The following TMEM200C variants were observed in gnomAD, a reference collection of about 807,000 sequenced individuals.
TMEM200C encodes transmembrane protein TTMA.
For missense variants in TMEM200C, 966 were observed against 699.9 expected, an observed-to-expected ratio of 1.38 and a Z score of -4.29; for synonymous variants, 462 against 324.7, an observed-to-expected ratio of 1.42 and a Z score of -4.55.
At position 5,891,041 on chromosome 18, in the gene TMEM200C, G is replaced by A. The variant is rs1174297893; in HGVS notation, c.1023C>T (p.Ala341=). Residue 341 remains alanine (A), a synonymous_variant, in exon 3 of 3, where the codon GCC becomes GCT. Transcript: ENST00000581347. This position sits in a 1 kb window ranked among gnomAD's most constrained non-coding sequence, Gnocchi z 4.7. ...AGCTGCTAGCGGCTGCGGCGGCGGT[G>A]GCAGCGGCGGCCCGGCGACTGCCTG... The A allele has an allele frequency of 1.8e-5, 10 of 549,058 alleles. No homozygotes were observed. The East Asian group carries it at 3.5e-4, about 19-fold the overall frequency. 34.0% of individuals were successfully genotyped at this position (549,058 alleles called of 1,614,324 possible). A position where few individuals can be genotyped will look rare whatever the true frequency, so the allele number is the denominator to read the frequency against.
intron 2 of TMEM200C, among the ~76,000 whole-genome samples, chr18:5,892,547 C>G (rs980816080): frequency 6.6e-6 from 1 of 152,162 alleles, no homozygotes; most frequent in Non-Finnish European, 1.5e-5. Context: ...TTAAGGACCT[C>G]CCTGTCAAGA....
chr18:5,894,622 G>A (rs2095174162), intron 2 of TMEM200C, among the ~76,000 whole-genome samples: 1 of 152,220 alleles, frequency 6.6e-6, no homozygotes, highest in African/African-American at 2.4e-5. Flanking sequence ...GATGGATTAA[G>A]CCCCACTCTG....
In TMEM200C at chr18:5,891,640, G is replaced by C. The variant is rs750394153; in HGVS notation, c.424C>G (p.Pro142Ala). The C allele has an allele frequency of 6.2e-7, 1 of 1,613,808 alleles. No homozygotes were observed. The highest frequency in any genetic ancestry group is 8.5e-7 in the Non-Finnish European group (1 of 1,179,800). The change falls in exon 3 of 3, where the codon CCG becomes GCG. Residue 142 changes from proline (P) to alanine (A), a missense_variant. Coordinates refer to ENST00000581347, the Ensembl canonical transcript of TMEM200C. This position sits in a 1 kb window ranked among gnomAD's most constrained non-coding sequence, Gnocchi z 4.7. ...CCCACGGACGTGGAGGAGGAGGACG[G>C]GGAGGCGGCTCGTGCTGGAGGCGTG...
intron 2 of TMEM200C, among the ~76,000 whole-genome samples, chr18:5,893,502 T>C (rs552928700): frequency 6.6e-6 from 1 of 152,224 alleles, no homozygotes; most frequent in Non-Finnish European, 1.5e-5. Flanking sequence ...TTCTGTCCCA[T>C]TAGTTGTTTT....
exon 3 of TMEM200C, chr18:5,886,558 TG>T (rs1356096610): frequency 6.6e-6 from 1 of 152,170 alleles, no homozygotes; most frequent in Non-Finnish European, 1.5e-5. Context: ...ATTAAGTTTA[TG>T]GTTGTCCCTA....
At chr18:5,890,490 G>C in exon 3 of TMEM200C, 1 of 1,548,730 alleles carries the variant, frequency 6.5e-7, no homozygotes, top group Non-Finnish European at 8.7e-7. Flanking sequence ...ATCCGACTGG[G>C]AGCTCCCGGA....
At chr18:5,888,780 C>T (rs1285028841) in exon 3 of TMEM200C, 1 of 152,240 alleles carries the variant, frequency 6.6e-6, no homozygotes, top group Non-Finnish European at 1.5e-5. Context: ...CTGACCCTGA[C>T]CCTGTTCTAT....
At chr18:5,882,200 G>A (rs1239999968) in exon 3 of TMEM200C, 10 of 152,054 alleles carry the variant, frequency 6.6e-5, no homozygotes, top group Admixed American at 1.3e-4. Context: ...TTTACTCATG[G>A]CCCTAATCAT....
chr18:5,890,639 G>A (rs1386622753), exon 3 of TMEM200C: 2 of 807,172 alleles, frequency 2.5e-6, no homozygotes, highest in Non-Finnish European at 3.4e-6. Flanking sequence ...GGTAGTCCGG[G>A]AGCCCGCTGG....
chr18:5,891,903 A>C lies in TMEM200C; in HGVS notation c.161T>G (p.Leu54Arg). The change falls in exon 3 of 3, where the codon CTC (leucine) becomes CGC (arginine). Residue 54 changes from leucine to arginine, a missense_variant. Leu to Arg is a moderately radical substitution (Grantham distance 102). Transcript: ENST00000581347. This position sits in a 1 kb window ranked among gnomAD's most constrained non-coding sequence, Gnocchi z 4.7. ...CACCAGGATCCCACAGAGGGCGATG[A>C]GCCCTGAGATGGAGCACAGCTTCAG... 6.2e-7 allele frequency: 1 copy of C among 1,613,342 alleles called. No individual in the cohort carries two copies. The highest frequency in any genetic ancestry group is 8.5e-7 in the Non-Finnish European group (1 of 1,179,858).
rs764956085 is a variant in TMEM200C, at chr18:5,891,377, GGCGGCGGCCGCGGCGGCGGCC to G, written c.666_686del (p.Ala224_Ala230del). 1,340 of 1,316,470 alleles carry G rather than the reference GGCGGCGGCCGCGGCGGCGGCC, an allele frequency of 1.0e-3. 85 individuals are homozygous for G. Among genetic ancestry groups the G allele is most frequent in the Admixed American group, 4.7e-3 (116 of 24,628 alleles). The allele number at this position is 1,316,470 out of a possible 1,614,324, so 81.5% of individuals were successfully genotyped here. ...CGGGGGCAGACGACGACGAAGAGGCGGCGGCGGCCGCGGCGGCGGCCGCGGCGGCCGCCAGGTCTTTGGCGC... is the reference window on the plus strand; with the variant it reads ...CGGGGGCAGACGACGACGAAGAGGCGGCGGCGGCCGCCAGGTCTTTGGCGC... On this transcript the variant is annotated inframe_deletion, in exon 3 of 3. Transcript: ENST00000581347. This position sits in a 1 kb window ranked among gnomAD's most constrained non-coding sequence, Gnocchi z 4.7.
exon 3 of TMEM200C, chr18:5,892,077 A>G (rs1267409708): frequency 6.2e-7 from 1 of 1,607,516 alleles, no homozygotes; most frequent in Non-Finnish European, 8.5e-7. Flanking sequence ...GAGCTCCTGG[A>G]GTGCAGGACT....
At chr18:5,886,574 C>T (rs1165509951) in exon 3 of TMEM200C, 2 of 152,150 alleles carry the variant, frequency 1.3e-5, no homozygotes, top group Non-Finnish European at 2.9e-5. Context: ...TCCCTAACTA[C>T]TGAGTAGTAA....
In TMEM200C at chr18:5,891,389, G is replaced by C. The variant is rs899448801; in HGVS notation, c.675C>G (p.Ala225=). 1 of 1,345,458 alleles carries C rather than the reference G, an allele frequency of 7.4e-7. No homozygotes were observed. Among genetic ancestry groups the C allele is most frequent in the Non-Finnish European group, 9.5e-7 (1 of 1,053,008 alleles). 83.3% of individuals were successfully genotyped at this position (1,345,458 alleles called of 1,614,324 possible). The change falls in exon 3 of 3, where the codon GCC becomes GCG. Residue 225 remains alanine, a synonymous_variant. Transcript: ENST00000581347. This position sits in a 1 kb window ranked among gnomAD's most constrained non-coding sequence, Gnocchi z 4.7. ...ACGACGAAGAGGCGGCGGCGGCCGC[G>C]GCGGCGGCCGCGGCGGCCGCCAGGT...
At chr18:5,892,421 T>C (rs2095172228) in intron 2 of TMEM200C, among the ~76,000 whole-genome samples, 1 of 152,182 alleles carries the variant, frequency 6.6e-6, no homozygotes, top group Non-Finnish European at 1.5e-5. Context: ...ATATGCCTTC[T>C]TCTCCTCGCT....
rs1227027015 is a variant in TMEM200C at position 5,891,446 on chromosome 18, G to T, written c.618C>A (p.Thr206=). The change falls in exon 3 of 3, where the codon ACC becomes ACA. Residue 206 remains threonine (T), a synonymous_variant. Coordinates refer to ENST00000581347, the Ensembl canonical transcript of TMEM200C. This position sits in a 1 kb window ranked among gnomAD's most constrained non-coding sequence, Gnocchi z 4.7. ...CGCGGAGGCTGTGCACGTCGATGACGGTGGAGTAGAGGTCCCGCAGGTTGA... is the reference window on the plus strand; with the variant it reads ...CGCGGAGGCTGTGCACGTCGATGACTGTGGAGTAGAGGTCCCGCAGGTTGA... The T allele has an allele frequency of 1.9e-6, 3 of 1,556,574 alleles. No individual in the cohort carries two copies. The highest frequency in any genetic ancestry group is 2.7e-5 in the African/African-American group (2 of 73,378).
At chr18:5,890,550 G>A in exon 3 of TMEM200C, 3 of 1,451,162 alleles carry the variant, frequency 2.1e-6, no homozygotes, top group Non-Finnish European at 2.7e-6. Context: ...TGGCGAGGGG[G>A]AGGCGGCCTT....
chr18:5,882,985 C>T (rs1273395471), exon 3 of TMEM200C: 1 of 152,074 alleles, frequency 6.6e-6, no homozygotes, highest in Admixed American at 6.6e-5. Context: ...CTATGTGCTT[C>T]CTGATATCAT....
rs189556123 is a variant in TMEM200C at position 5,885,814 on chromosome 18, G to A, written c.*4384C>T. The A allele has an allele frequency of 9.9e-5, 15 of 152,032 alleles. No homozygotes were observed. The East Asian group carries it at 2.5e-3, about 25-fold the overall frequency. 9.4% of individuals were successfully genotyped at this position (152,032 alleles called of 1,614,324 possible). On this transcript the variant is annotated 3_prime_UTR_variant, in exon 3 of 3. Transcript: ENST00000581347. ...AGATAACTTCCCTGGGGTAGGGTGG[G>A]GTGTCTTAGATTGTTTTTCAGAGTT...
Sources: allele counts gnomAD v4.1 joint callset (sites outside exome capture counted in the v4.1 genomes callset), GRCh38; gene constraint gnomAD v4.1.1; non-coding constraint Gnocchi (gnomAD v3.1); transcripts MANE v1.5; gene names NCBI Gene and HGNC (gene_info 2026-07-23, HGNC 2026-07-21).